MYO1D: variants seen among roughly 807,000 people sequenced by gnomAD.
MYO1D encodes the protein myosin ID, also known as unconventional myosin-Id.
A neutral mutation model predicts 122.0 loss-of-function variants in MYO1D; 83 were observed. That is an observed-to-expected ratio of 0.68 (90% CI 0.57 to 0.82). The LOEUF is 0.82. Among genes scored for constraint, MYO1D ranks in the 40% least tolerant of loss-of-function variants. The pLI is 0.00. For missense variants in MYO1D, 1,157 were observed against 1,269.5 expected, an observed-to-expected ratio of 0.91 and a Z score of 1.35; for synonymous variants, 464 against 446.9, an observed-to-expected ratio of 1.04 and a Z score of -0.48.
chr17:32,806,132 G>T (rs917934104), intron 1 of MYO1D, among the ~76,000 whole-genome samples: 3 of 152,052 alleles, frequency 2.0e-5, no homozygotes, highest in Admixed American at 2.0e-4. Context: ...GGTGGCACAC[G>T]CCTGTGGTTC....
At chr17:32,779,901 C>T (rs1328043498) in intron 2 of MYO1D, among the ~76,000 whole-genome samples, 3 of 152,124 alleles carry the variant, frequency 2.0e-5, no homozygotes, top group Non-Finnish European at 2.9e-5. Context: ...ACCACCAGTG[C>T]AAATGTGAGG....
intron 1 of MYO1D, among the ~76,000 whole-genome samples, chr17:32,862,619 C>T (rs1336232830): frequency 1.3e-5 from 2 of 152,160 alleles, no homozygotes; most frequent in South Asian, 2.1e-4. Flanking sequence ...CAGAAAAATA[C>T]ATACATTGTA....
intron 16 of MYO1D, among the ~76,000 whole-genome samples, chr17:32,687,364 T>C (rs2089032124): frequency 6.6e-6 from 1 of 152,082 alleles, no homozygotes; most frequent in Admixed American, 6.5e-5. Context: ...GCCCGGCTAA[T>C]TTTTTGTATT....
chr17:32,821,777 G>A (rs947227926), intron 1 of MYO1D, among the ~76,000 whole-genome samples: 1 of 152,236 alleles, frequency 6.6e-6, no homozygotes, highest in African/African-American at 2.4e-5. Context: ...AAATATGAAT[G>A]CAGGGATTAG....
chr17:32,792,425 CAA>C (rs2090362999), intron 1 of MYO1D: 1 of 152,188 alleles, frequency 6.6e-6, no homozygotes, highest in Non-Finnish European at 1.5e-5. Flanking sequence ...TACACTTATG[CAA>C]TGTTCATTAG....
chr17:32,677,580 A>AATATATACAT (rs2088835088), intron 16 of MYO1D, among the ~76,000 whole-genome samples: 1 of 135,880 alleles, frequency 7.4e-6, no homozygotes, highest in Non-Finnish European at 1.6e-5. Flanking sequence ...TAGATAGATA[A>AATATATACAT]ATATATATAT....
In MYO1D at chr17:32,568,186, C is replaced by CAAAAAAA. The variant is rs386385913; in HGVS notation, c.2864+36894_2864+36900dup. ...TCCTCTTTATCTTTCTGCGTTATTA[C>CAAAAAAA]AAAAAAAAAAAAAAAAGGCTGGTGT... On this transcript the variant is annotated intron_variant, in intron 21 of 21. Coordinates refer to ENST00000318217, the MANE Select transcript of MYO1D (RefSeq NM_015194.3). 7.2e-4 allele frequency among the ~76,000 whole-genome samples: 89 copies of CAAAAAAA among 124,334 alleles called. 3 individuals carry two copies. Among genetic ancestry groups the CAAAAAAA allele is most frequent in the East Asian group, 1.2e-3 (5 of 4,196 alleles). The allele number at this position is 124,334 out of a possible 152,430, so 81.6% of individuals were successfully genotyped here. A position where few individuals can be genotyped will look rare whatever the true frequency, so the allele number is the denominator to read the frequency against.
At chr17:32,500,083 C>T (rs189218204) in intron 21 of MYO1D, among the ~76,000 whole-genome samples, 92 of 152,340 alleles carry the variant, frequency 6.0e-4, no homozygotes, top group African/African-American at 2.0e-3. Context: ...GGAGGGGAGG[C>T]GTCTTACACA....
intron 19 of MYO1D, among the ~76,000 whole-genome samples, chr17:32,643,742 T>C (rs2088241841): frequency 6.6e-6 from 1 of 152,186 alleles, no homozygotes; most frequent in Admixed American, 6.5e-5. Context: ...TGGTAGTTTG[T>C]ATTTCTGTGG....
At chr17:32,829,064 G>T (rs1320125889) in intron 1 of MYO1D, among the ~76,000 whole-genome samples, 1 of 152,184 alleles carries the variant, frequency 6.6e-6, no homozygotes, top group South Asian at 2.1e-4. Context: ...AAATGGAAAT[G>T]CTAGAAAGAA....
intron 19 of MYO1D, among the ~76,000 whole-genome samples, chr17:32,652,283 C>A (rs1493596): frequency 0.67 from 101,519 of 152,010 alleles, 34,136 homozygotes; most frequent in Middle Eastern, 0.74. Context: ...TGGTTATTAT[C>A]AACACTTTAA....
At chr17:32,548,038 G>A (rs986088357) in intron 21 of MYO1D, among the ~76,000 whole-genome samples, 5 of 152,102 alleles carry the variant, frequency 3.3e-5, no homozygotes, top group African/African-American at 4.8e-5. Flanking sequence ...CATGACGAGA[G>A]AGCACTCATC....
chr17:32,581,976 G>T (rs1488348834), intron 21 of MYO1D, among the ~76,000 whole-genome samples: 1 of 152,142 alleles, frequency 6.6e-6, no homozygotes, highest in Non-Finnish European at 1.5e-5. Context: ...TGTTGGCCAG[G>T]CTGGTCTTGA....
intron 21 of MYO1D, among the ~76,000 whole-genome samples, chr17:32,555,273 G>A (rs1196207143): frequency 6.6e-6 from 1 of 151,862 alleles, no homozygotes; most frequent in Non-Finnish European, 1.5e-5. Context: ...AAGCTGTGCT[G>A]GAAAAGAACA....
At chr17:32,831,020 C>T (rs1421190233) in intron 1 of MYO1D, among the ~76,000 whole-genome samples, 1 of 152,114 alleles carries the variant, frequency 6.6e-6, no homozygotes, top group East Asian at 1.9e-4. Flanking sequence ...CATGCCACTG[C>T]ACTCCAGCCT....
At chr17:32,769,589 A>G (rs865810130) in intron 6 of MYO1D, among the ~76,000 whole-genome samples, 27 of 152,144 alleles carry the variant, frequency 1.8e-4, no homozygotes, top group South Asian at 4.1e-4. Context: ...ATATTAATTT[A>G]TATTTGTTTG....
rs764530222 is a variant in MYO1D at position 32,755,482 on chromosome 17, AAC to A, written c.1467+8_1467+9del. ...AGATAAAAGGAAGAAGGTGTCATTA[AAC>A]ACATTACCTTTCGGCTGGAAAAATG... On this transcript the variant is annotated splice_region_variant and intron_variant, in intron 11 of 21. Coordinates refer to ENST00000318217, the MANE Select transcript of MYO1D (RefSeq NM_015194.3). The A allele has an allele frequency of 2.5e-5, 41 of 1,612,446 alleles. No homozygotes were observed. The African/African-American group carries it at 5.2e-4, about 20-fold the overall frequency.
chr17:32,625,221 C>T (rs117542054), intron 20 of MYO1D, among the ~76,000 whole-genome samples: 417 of 152,108 alleles, frequency 2.7e-3, no homozygotes, highest in Admixed American at 6.7e-3. Context: ...AAGGTTAAGA[C>T]AAACTATTTT....
intron 20 of MYO1D, among the ~76,000 whole-genome samples, chr17:32,620,433 TACTTTTGGCAAGAAAGA>T (rs1385388840): frequency 6.6e-6 from 1 of 152,184 alleles, no homozygotes; most frequent in Non-Finnish European, 1.5e-5. Flanking sequence ...CCCTTTCTTG[TACTTTTGGCAAGAAAGA>T]GCAGGCTCTT....
Sources: gnomAD v4.1 joint callset for allele counts (sites outside exome capture counted in the v4.1 genomes callset) on GRCh38, gnomAD v4.1.1 for gene constraint, MANE v1.5 for transcripts, NCBI Gene and HGNC (gene_info 2026-07-23, HGNC 2026-07-21) for gene names.